ATIC: variants seen among roughly 807,000 people sequenced by gnomAD.
ATIC encodes bifunctional purine biosynthesis protein ATIC.
Under a neutral mutation model 72.5 loss-of-function variants are expected in ATIC, and 64 were observed. The ratio of observed to expected loss-of-function variants is 0.88; its 90% CI spans 0.72 to 1.09. ATIC has a LOEUF of 1.09. Ranked by LOEUF, ATIC falls within the 50% of genes least tolerant of loss-of-function variation. ATIC has a pLI of 0.00. For synonymous variants in ATIC, 281 were observed against 267.1 expected (o/e 1.05, Z -0.51); for missense variants, 787 against 732.4 (o/e 1.07, Z -0.86).
intron 11 of ATIC, among the ~76,000 whole-genome samples, chr2:215,338,334 G>A (rs1236624478): frequency 1.3e-5 from 2 of 152,142 alleles, no homozygotes. Context: ...TTTTGTAACA[G>A]ATTTTTAGAA....
chr2:215,324,819 T>A (rs2052805119), intron 4 of ATIC, among the ~76,000 whole-genome samples: 1 of 152,220 alleles, frequency 6.6e-6, no homozygotes, highest in Admixed American at 6.5e-5. Flanking sequence ...GCCAATCCAC[T>A]GGAAAAAGAA....
chr2:215,368,376 A>G, the ATIC span, among the ~76,000 whole-genome samples: 3 of 152,214 alleles, frequency 2.0e-5, no homozygotes, highest in Admixed American at 6.5e-5. Context: ...ATGCCTCTCC[A>G]TTGGTACCTG....
intron 11 of ATIC, among the ~76,000 whole-genome samples, chr2:215,337,455 C>T (rs1225294681): frequency 6.6e-6 from 1 of 152,106 alleles, no homozygotes; most frequent in African/African-American, 2.4e-5. Flanking sequence ...CAACCTCTGC[C>T]TCCTGAGTTC....
chr2:215,367,793 TG>T, the ATIC span: 3 of 1,491,394 alleles, frequency 2.0e-6, no homozygotes, highest in Non-Finnish European at 2.8e-6. Flanking sequence ...CATGCTTCCT[TG>T]GCACATGAGT....
intron 4 of ATIC, among the ~76,000 whole-genome samples, chr2:215,324,028 C>T (rs2052796675): frequency 6.6e-6 from 1 of 152,196 alleles, no homozygotes; most frequent in Non-Finnish European, 1.5e-5. Context: ...TCCCAAAGTG[C>T]TGGGATTGCA....
At chr2:215,326,307 A>G (rs576008561) in intron 6 of ATIC, among the ~76,000 whole-genome samples, 169 bp downstream of exon 6, 9 of 152,312 alleles carry the variant, frequency 5.9e-5, no homozygotes, top group African/African-American at 2.2e-4. Context: ...GTGTTCTGTC[A>G]AAAAGATTGA....
intron 14 of ATIC, among the ~76,000 whole-genome samples, chr2:215,348,071 T>G (rs149171764): frequency 1.3e-5 from 2 of 152,240 alleles, no homozygotes; most frequent in Non-Finnish European, 2.9e-5. Flanking sequence ...TGAAGCCCTT[T>G]TATAAGTCTG....
Position 215,342,967 on chromosome 2 carries a change from G to C in ATIC, c.1228-1812G>C, listed in dbSNP as rs768566840. Reference sequence around the variant, plus strand: ...ATGAGCCACTGTGCCCAGCCTAAACGTAAGTTTTTATTTCTCTTTGATAAA... The same window carrying C: ...ATGAGCCACTGTGCCCAGCCTAAACCTAAGTTTTTATTTCTCTTTGATAAA... On this transcript the variant is annotated intron_variant, in intron 12 of 15. Transcript: ENST00000236959. Among the ~76,000 whole-genome samples the C allele has an allele frequency of 3.3e-5, 5 of 152,130 alleles. No homozygotes were observed. The South Asian group carries it at 1.0e-3, about 31-fold the overall frequency.
downstream of ATIC, among the ~76,000 whole-genome samples, chr2:215,350,576 A>G (rs939790802): frequency 4.6e-5 from 7 of 152,234 alleles, no homozygotes; most frequent in African/African-American, 9.6e-5. Context: ...AATCTGATGT[A>G]TATTTTTCTC....
chr2:215,361,547 A>AAGAT, the ATIC span: 1 of 1,588,988 alleles, frequency 6.3e-7, no homozygotes, highest in African/African-American at 1.3e-5. Flanking sequence ...CTGGATTGGA[A>AAGAT]AGATGATTTA....
chr2:215,326,132 C>A lies in ATIC; in HGVS notation c.525C>A (p.Ala175=). 6.2e-7 allele frequency: 1 copy of A among 1,613,910 alleles called. No individual in the cohort carries two copies. Among genetic ancestry groups the A allele is most frequent in the South Asian group, 1.1e-5 (1 of 91,062 alleles). ...DTSLETRRQL[A]LKAFTHTAQY... is the part of the protein sequence containing the mutation. Reference sequence around the variant, plus strand: ...CCTTGGAGACTAGACGCCAGTTAGCCTTGAAGGTGGGATGCACTTTCATGA... The same window carrying A: ...CCTTGGAGACTAGACGCCAGTTAGCATTGAAGGTGGGATGCACTTTCATGA... The change falls in exon 6 of 16, where the codon GCC becomes GCA. Residue 175 remains alanine, a synonymous_variant. Transcript: ENST00000236959.
chr2:215,346,801 A>G lies in ATIC; in HGVS notation c.1363A>G (p.Thr455Ala), dbSNP rs564455369. 11 of 1,614,168 alleles carry G rather than the reference A, an allele frequency of 6.8e-6. No individual in the cohort carries two copies. The highest frequency in any genetic ancestry group is 1.6e-4 in the Middle Eastern group (1 of 6,062). The change falls in exon 14 of 16, where the codon ACT becomes GCT. Residue 455 changes from threonine to alanine, a missense_variant. Thr to Ala is a moderately conservative substitution (Grantham distance 58, BLOSUM62 0). Coordinates refer to ENST00000236959, the MANE Select transcript of ATIC (RefSeq NM_004044.7). Reference protein sequence around the residue: ...GAGQQSRIHCTRLAGDKANYW... With the variant: ...GAGQQSRIHCARLAGDKANYW... ...AGGACAGCAGTCTCGTATACACTGC[A>G]CTCGCCTTGCAGGAGATAAGGCAAA...
At chr2:215,322,007 G>A (rs13421420) in intron 4 of ATIC, among the ~76,000 whole-genome samples, 33,063 of 151,798 alleles carry the variant, frequency 0.22, 4,384 homozygotes, top group Non-Finnish European at 0.3. Context: ...GGATTCAAGC[G>A]ATTCTGCCTC....
At chr2:215,355,070 C>CA in the ATIC span, among the ~76,000 whole-genome samples, 5 of 151,996 alleles carry the variant, frequency 3.3e-5, no homozygotes, top group African/African-American at 7.2e-5. Flanking sequence ...TGTGTTATGC[C>CA]AAAAAAAGCA....
intron 14 of ATIC, 61 bp downstream of exon 14, chr2:215,347,002 A>G: frequency 1.3e-6 from 2 of 1,555,208 alleles, no homozygotes; most frequent in Non-Finnish European, 1.8e-6. Context: ...CTTTATGTGT[A>G]ACAGATTTTA....
At chr2:215,314,748 C>T (rs2052691326) in intron 2 of ATIC, among the ~76,000 whole-genome samples, 1 of 152,074 alleles carries the variant, frequency 6.6e-6, no homozygotes, top group Admixed American at 6.6e-5. Context: ...TGATCGCCCG[C>T]CTTGGCCTGC....
chr2:215,339,142 A>G (rs560250202), intron 12 of ATIC, among the ~76,000 whole-genome samples: 17 of 143,866 alleles, frequency 1.2e-4, no homozygotes, highest in African/African-American at 3.3e-4. Flanking sequence ...TTAATTGTGT[A>G]TAAATGGGAT....
At chr2:215,361,355 T>C in the ATIC span, 1 of 629,208 alleles carries the variant, frequency 1.6e-6, no homozygotes, top group East Asian at 2.7e-5. Flanking sequence ...TGTGCAGCCC[T>C]CATTTATGAG....
chr2:215,317,173 T>C (rs941973890), intron 2 of ATIC, among the ~76,000 whole-genome samples: 3 of 152,238 alleles, frequency 2.0e-5, no homozygotes, highest in Non-Finnish European at 4.4e-5. Flanking sequence ...CTTTGTGATA[T>C]GGATTAATAT....
Sources: allele counts gnomAD v4.1 joint callset (sites outside exome capture counted in the v4.1 genomes callset), GRCh38; gene constraint gnomAD v4.1.1; transcripts MANE v1.5; gene names NCBI Gene and HGNC (gene_info 2026-07-23, HGNC 2026-07-21).